The following RAPGEF2 variants were observed in gnomAD, a reference collection of about 807,000 sequenced individuals.
RAPGEF2 encodes the protein Rap guanine nucleotide exchange factor 2, also known as PDZ domain containing guanine nucleotide exchange factor (GEF) 1.
A neutral mutation model predicts 186.7 loss-of-function variants in RAPGEF2; 54 were observed. That is an observed-to-expected ratio of 0.29 (90% CI 0.23 to 0.36). The LOEUF (loss-of-function observed/expected upper bound fraction) is 0.36. Among genes scored for constraint, RAPGEF2 ranks in the 10% least tolerant of loss-of-function variants. The pLI, the probability that RAPGEF2 is intolerant of heterozygous loss-of-function variation, is 1.00. For missense variants in RAPGEF2, 1,532 were observed against 2,045.0 expected (o/e 0.75, Z 4.84); for synonymous variants, 712 against 705.9 (o/e 1.01, Z -0.14).
chr4:159,318,058 A>T (rs565882511), intron 9 of RAPGEF2, among the ~76,000 whole-genome samples: 17 of 123,046 alleles, frequency 1.4e-4, no homozygotes, highest in Admixed American at 6.7e-4. Flanking sequence ...AGCCATCTTT[A>T]AAAAAAAAAA....
chr4:159,293,154 G>T (rs1360235175), intron 7 of RAPGEF2, among the ~76,000 whole-genome samples: 1 of 151,970 alleles, frequency 6.6e-6, no homozygotes, highest in African/African-American at 2.4e-5. Context: ...TTATGAAGAT[G>T]ATATAATTAA....
intron 7 of RAPGEF2, among the ~76,000 whole-genome samples, chr4:159,274,261 T>C (rs1758559624): frequency 6.6e-6 from 1 of 152,248 alleles, no homozygotes; most frequent in Non-Finnish European, 1.5e-5. Flanking sequence ...AAGTACTTTT[T>C]AATGCTTACT....
At chr4:159,292,134 C>A (rs1178842804) in intron 7 of RAPGEF2, among the ~76,000 whole-genome samples, 1 of 152,028 alleles carries the variant, frequency 6.6e-6, no homozygotes, top group Non-Finnish European at 1.5e-5. Flanking sequence ...TTTTGAGCTC[C>A]CAAAACCCTT....
chr4:159,229,474 A>AGCTGCAGC (rs1226244062), intron 4 of RAPGEF2: 2 of 152,170 alleles, frequency 1.3e-5, no homozygotes, highest in Non-Finnish European at 2.9e-5. Flanking sequence ...TTGGCCTTAC[A>AGCTGCAGC]ACACCTGCAG....
At chr4:159,225,078 T>C (rs563310751) in intron 4 of RAPGEF2, among the ~76,000 whole-genome samples, 1 of 152,194 alleles carries the variant, frequency 6.6e-6, no homozygotes, top group South Asian at 2.1e-4. Context: ...AGGTGGGAGC[T>C]ACAGGGGATA....
At chr4:159,149,111 C>T (rs1743255047) in intron 1 of RAPGEF2, among the ~76,000 whole-genome samples, 1 of 152,156 alleles carries the variant, frequency 6.6e-6, no homozygotes, top group African/African-American at 2.4e-5. Flanking sequence ...TCATGAAACA[C>T]ATTCTGGGAA....
intron 26 of RAPGEF2, chr4:159,351,322 C>T (rs1731146901): frequency 5.7e-6 from 5 of 882,972 alleles, no homozygotes; most frequent in Non-Finnish European, 8.3e-6. Context: ...TTTAAGCAGA[C>T]TGTTCAGGGA....
chr4:159,145,482 C>CAAAACATTGCCAAAAACATTGCCA (rs1272934440), intron 1 of RAPGEF2, among the ~76,000 whole-genome samples: 14 of 151,750 alleles, frequency 9.2e-5, no homozygotes, highest in Non-Finnish European at 1.9e-4. Context: ...AAAACATTGC[C>CAAAACATTGCCAAAAACATTGCCA]AAAACATTGC....
chr4:159,357,238 A>G (rs565566564), intron 29 of RAPGEF2, among the ~76,000 whole-genome samples: 8 of 152,254 alleles, frequency 5.3e-5, no homozygotes, highest in Non-Finnish European at 1.0e-4. Context: ...GCGTGTGCCA[A>G]TAGTCCTAGC....
intron 1 of RAPGEF2, among the ~76,000 whole-genome samples, chr4:159,131,519 A>ATTGTTTTTTTTTTTT: frequency 3.2e-4 from 12 of 37,188 alleles, no homozygotes; most frequent in African/African-American, 3.6e-4. Flanking sequence ...ATTAATTGCT[A>ATTGTTTTTTTTTTTT]TTTTTTTTTT....
chr4:159,119,269 A>G (rs1739403829), intron 1 of RAPGEF2, among the ~76,000 whole-genome samples: 1 of 152,190 alleles, frequency 6.6e-6, no homozygotes, highest in Non-Finnish European at 1.5e-5. Context: ...CTTCAAAGCC[A>G]CAAAATGGTA....
chr4:159,178,678 C>T (rs997167421), intron 1 of RAPGEF2, among the ~76,000 whole-genome samples: 2 of 151,284 alleles, frequency 1.3e-5, no homozygotes, highest in African/African-American at 4.9e-5. Flanking sequence ...CTGCCTCAGC[C>T]CCCCAAGTAG....
At chr4:159,150,749 A>G (rs1424350511) in intron 1 of RAPGEF2, among the ~76,000 whole-genome samples, 2 of 152,220 alleles carry the variant, frequency 1.3e-5, no homozygotes, top group Non-Finnish European at 2.9e-5. Flanking sequence ...TTACAAATAA[A>G]TTTTAGCAAG....
chr4:159,244,480 G>A (rs1754377214), intron 7 of RAPGEF2, among the ~76,000 whole-genome samples: 1 of 151,872 alleles, frequency 6.6e-6, no homozygotes, highest in Non-Finnish European at 1.5e-5. Context: ...CTAAAGTACT[G>A]TACTAAGTAC....
chr4:159,157,395 A>AG (rs1744239798), intron 1 of RAPGEF2, among the ~76,000 whole-genome samples: 1 of 152,170 alleles, frequency 6.6e-6, no homozygotes, highest in South Asian at 2.1e-4. Flanking sequence ...CAAGTGGGAG[A>AG]GGAGGGGCAT....
chr4:159,304,319 A>G (rs188856252), intron 7 of RAPGEF2, 23 bp from the exon 8 acceptor site: 9 of 1,571,966 alleles, frequency 5.7e-6, no homozygotes, highest in South Asian at 2.3e-5. Flanking sequence ...TTGTAATCCT[A>G]GTTTTTCCTG....
intron 1 of RAPGEF2, among the ~76,000 whole-genome samples, chr4:159,148,857 A>G (rs531072736): frequency 7.9e-5 from 12 of 152,256 alleles, no homozygotes; most frequent in East Asian, 7.7e-4. Context: ...TTTGTAGTCT[A>G]TTTTCTTAAA....
At chr4:159,124,017 G>A (rs948120159) in intron 1 of RAPGEF2, among the ~76,000 whole-genome samples, 1 of 151,288 alleles carries the variant, frequency 6.6e-6, no homozygotes, top group Non-Finnish European at 1.5e-5. Context: ...CACCACACCC[G>A]GCTAATTTTT....
intron 4 of RAPGEF2, among the ~76,000 whole-genome samples, chr4:159,225,382 C>A (rs1751927199): frequency 6.6e-6 from 1 of 152,164 alleles, no homozygotes; most frequent in Non-Finnish European, 1.5e-5. Context: ...CAGTATTAAT[C>A]TTTCACAAAA....
Sources: allele counts gnomAD v4.1 joint callset (sites outside exome capture counted in the v4.1 genomes callset), GRCh38; gene constraint gnomAD v4.1.1; transcripts MANE v1.5; gene names NCBI Gene and HGNC (gene_info 2026-07-23, HGNC 2026-07-21).